NOVA1: variants seen among roughly 807,000 people sequenced by gnomAD.
NOVA1 encodes the protein NOVA alternative splicing regulator 1, also known as RNA-binding protein Nova-1.
NOVA1 carries 7 observed loss-of-function variants against 38.0 expected under a neutral mutation model. The observed-to-expected ratio is 0.18, with a 90% confidence interval of 0.10 to 0.35. The LOEUF is 0.35. NOVA1 is among the 10% of genes least tolerant of loss of function. The pLI, the probability that NOVA1 is intolerant of heterozygous loss-of-function variation, is 1.00. For missense variants in NOVA1, 460 were observed against 616.0 expected (o/e 0.75, Z 2.68); for synonymous variants, 270 against 232.5 (o/e 1.16, Z -1.47).
intron 2 of NOVA1, among the ~76,000 whole-genome samples, chr14:26,490,121 T>C (rs1414630915): frequency 1.3e-5 from 2 of 152,236 alleles, no homozygotes; most frequent in Non-Finnish European, 2.9e-5. Flanking sequence ...ATCTGTCTGG[T>C]GTCTGGCTTA....
chr14:26,583,021 T>C (rs1404194043), intron 2 of NOVA1, among the ~76,000 whole-genome samples: 2 of 151,814 alleles, frequency 1.3e-5, no homozygotes, highest in African/African-American at 4.8e-5. Context: ...TACACCAGCA[T>C]AGCTGAAAGT....
intron 2 of NOVA1, among the ~76,000 whole-genome samples, chr14:26,494,277 C>T (rs184063066): frequency 6.7e-4 from 102 of 152,240 alleles, no homozygotes; most frequent in Middle Eastern, 6.8e-3. Flanking sequence ...CTCTTTATGT[C>T]CTATGGAGCA....
chr14:26,561,173 C>T (rs1045900002), intron 2 of NOVA1, among the ~76,000 whole-genome samples: 19 of 152,088 alleles, frequency 1.2e-4, no homozygotes, highest in African/African-American at 4.6e-4. Context: ...GCTAGCTGGC[C>T]CCACAGCTCA....
At chr14:26,463,197 G>A (rs547357607) in intron 4 of NOVA1, among the ~76,000 whole-genome samples, 12 of 152,128 alleles carry the variant, frequency 7.9e-5, no homozygotes, top group South Asian at 4.1e-4. Context: ...TCATACATAC[G>A]TTCTTTTATT....
At chr14:26,547,054 A>G (rs903807836) in intron 2 of NOVA1, among the ~76,000 whole-genome samples, 4 of 152,196 alleles carry the variant, frequency 2.6e-5, no homozygotes, top group Non-Finnish European at 5.9e-5. Flanking sequence ...ATTAAAATTC[A>G]TATAATTTAT....
chr14:26,454,341 G>A (rs1466356887), intron 4 of NOVA1, among the ~76,000 whole-genome samples: 8 of 152,126 alleles, frequency 5.3e-5, no homozygotes, highest in Non-Finnish European at 5.9e-5. Context: ...TTGAGCACAT[G>A]ACGCAGGATG....
At chr14:26,569,735 A>G (rs1005089781) in intron 2 of NOVA1, among the ~76,000 whole-genome samples, 3 of 152,228 alleles carry the variant, frequency 2.0e-5, no homozygotes, top group Non-Finnish European at 4.4e-5. Flanking sequence ...CCCAATTTCA[A>G]CTTCTATAAA....
At chr14:26,563,254 G>T (rs1891934908) in intron 2 of NOVA1, among the ~76,000 whole-genome samples, 1 of 151,362 alleles carries the variant, frequency 6.6e-6, no homozygotes, top group African/African-American at 2.4e-5. Context: ...CAACCTTAAG[G>T]CAAAACAATT....
chr14:26,521,631 T>C (rs1402641273), intron 2 of NOVA1, among the ~76,000 whole-genome samples: 1 of 152,062 alleles, frequency 6.6e-6, no homozygotes, highest in Non-Finnish European at 1.5e-5. Context: ...AATTTACTCT[T>C]TATCTTTTTA....
At chr14:26,574,267 ACCCC>A (rs566340896) in intron 2 of NOVA1, among the ~76,000 whole-genome samples, 2 of 47,892 alleles carry the variant, frequency 4.2e-5, no homozygotes, top group Non-Finnish European at 7.1e-5. Context: ...CTCGTGATCC[ACCCC>A]CCCCCCCCCG....
At chr14:26,461,367 C>G (rs1883649641) in intron 4 of NOVA1, among the ~76,000 whole-genome samples, 1 of 152,076 alleles carries the variant, frequency 6.6e-6, no homozygotes. Context: ...GTCACATAAC[C>G]TGATATTTAC....
intron 4 of NOVA1, among the ~76,000 whole-genome samples, chr14:26,452,433 T>A (rs1882779051): frequency 6.6e-6 from 1 of 151,998 alleles, no homozygotes; most frequent in Non-Finnish European, 1.5e-5. Context: ...TGAATACTGG[T>A]GGGAAAAAAC....
intron 3 of NOVA1, chr14:26,478,938 C>A (rs1454793295): frequency 1.3e-5 from 2 of 151,614 alleles, no homozygotes; most frequent in Non-Finnish European, 3.0e-5. Context: ...TTATCAATTT[C>A]TATGTTTATA....
chr14:26,481,999 A>C (rs1594372675), intron 2 of NOVA1, among the ~76,000 whole-genome samples: 1 of 140,146 alleles, frequency 7.1e-6, no homozygotes, highest in East Asian at 2.1e-4. Flanking sequence ...AAAAAAAAAA[A>C]AAAAAAAAAA....
At chr14:26,509,293 T>G (rs186507161) in intron 2 of NOVA1, among the ~76,000 whole-genome samples, 1 of 152,284 alleles carries the variant, frequency 6.6e-6, no homozygotes, top group Non-Finnish European at 1.5e-5. Flanking sequence ...CACAGTTATA[T>G]AGGATACATG....
intron 2 of NOVA1, chr14:26,594,173 C>T (rs1894036774): frequency 6.6e-6 from 1 of 151,952 alleles, no homozygotes; most frequent in African/African-American, 2.4e-5. Flanking sequence ...TTTAGAGGAA[C>T]ATCGTGTCTA....
At chr14:26,558,932 TAGA>T (rs1891652570) in intron 2 of NOVA1, among the ~76,000 whole-genome samples, 1 of 152,130 alleles carries the variant, frequency 6.6e-6, no homozygotes, top group African/African-American at 2.4e-5. Context: ...CACTTCTGAT[TAGA>T]AGAACACAAG....
At chr14:26,484,156 C>T (rs992428360) in intron 2 of NOVA1, among the ~76,000 whole-genome samples, 5 of 151,870 alleles carry the variant, frequency 3.3e-5, no homozygotes, top group East Asian at 3.9e-4. Flanking sequence ...ATTAATTGGC[C>T]GGGTGCGGTG....
rs762292140 is a variant in NOVA1, at chr14:26,448,821, A to G, written c.662T>C (p.Val221Ala). The part of the protein sequence containing the change: ...PDGINLQERV[V>A]TVSGEPEQNR... ...TTGTTCAGGTTCTCCACTCACAGTG[A>G]CAACCCTCTCTTGCAAGTTGATCCC... is the stretch of plus-strand genomic sequence containing the variant. The change falls in exon 5 of 5, where the codon GTC (valine) becomes GCC (alanine). Residue 221 changes from valine (V) to alanine (A), a missense_variant. By Grantham distance (64) the Val-to-Ala change is moderately conservative (BLOSUM62 0). Transcript: ENST00000539517. This position sits in a 1 kb window ranked among gnomAD's most constrained non-coding sequence, Gnocchi z 5.3. 12 of 1,614,160 alleles carry G rather than the reference A, an allele frequency of 7.4e-6. No individual in the cohort carries two copies. The highest frequency in any genetic ancestry group is 2.2e-5 in the East Asian group (1 of 44,856).
Sources: gnomAD v4.1 joint callset for allele counts (sites outside exome capture counted in the v4.1 genomes callset) on GRCh38, gnomAD v4.1.1 for gene constraint, Gnocchi (gnomAD v3.1) non-coding constraint, MANE v1.5 for transcripts, NCBI Gene and HGNC (gene_info 2026-07-23, HGNC 2026-07-21) for gene names.